Variants in TFEC observed in about 807,000 individuals in gnomAD.
TFEC encodes the protein transcription factor EC.
TFEC carries 31 observed loss-of-function variants against 41.6 expected under a neutral mutation model. That is an observed-to-expected ratio of 0.74 (90% CI 0.56 to 1.01). The LOEUF (loss-of-function observed/expected upper bound fraction) is 1.01. TFEC is among the 50% of genes least tolerant of loss of function. The pLI is 0.00. For missense variants in TFEC, 402 were observed against 404.1 expected, an observed-to-expected ratio of 0.99 and a Z score of 0.04; for synonymous variants, 143 against 140.6, an observed-to-expected ratio of 1.02 and a Z score of -0.12.
chr7:116,037,227 C>T (rs1457404103), intron 3 of TFEC, among the ~76,000 whole-genome samples: 1 of 151,940 alleles, frequency 6.6e-6, no homozygotes, highest in Non-Finnish European at 1.5e-5. Flanking sequence ...GGTCTTTATG[C>T]CTACAACAAT....
intron 3 of TFEC, among the ~76,000 whole-genome samples, chr7:116,047,590 CA>C (rs1401515015): frequency 2.0e-5 from 3 of 152,178 alleles, no homozygotes; most frequent in South Asian, 2.1e-4. Context: ...CATAGCTGAA[CA>C]AAAGGCAGCA....
chr7:116,009,663 T>C (rs1281468999), intron 1 of TFEC, among the ~76,000 whole-genome samples: 1 of 151,828 alleles, frequency 6.6e-6, no homozygotes, highest in African/African-American at 2.4e-5. Context: ...AAGCAGAAAC[T>C]AGATAAAATA....
intron 2 of TFEC, among the ~76,000 whole-genome samples, chr7:115,977,992 G>C (rs937901341): frequency 2.6e-5 from 4 of 151,824 alleles, no homozygotes; most frequent in South Asian, 2.1e-4. Flanking sequence ...GAAAAAAGAG[G>C]GCAAAGAAAC....
At chr7:115,957,091 T>C (rs1216496059) in intron 3 of TFEC, among the ~76,000 whole-genome samples, 1 of 151,994 alleles carries the variant, frequency 6.6e-6, no homozygotes, top group Non-Finnish European at 1.5e-5. Flanking sequence ...GGAAGTTTGA[T>C]CCAGCATATG....
At chr7:115,973,572 T>G (rs1408989995) in intron 3 of TFEC, among the ~76,000 whole-genome samples, 1 of 151,886 alleles carries the variant, frequency 6.6e-6, no homozygotes, top group African/African-American at 2.4e-5. Flanking sequence ...AGAAGGCGCA[T>G]AGCAAGCAAA....
At chr7:116,147,137 T>C (rs1798658043) in intron 1 of TFEC, among the ~76,000 whole-genome samples, 1 of 152,172 alleles carries the variant, frequency 6.6e-6, no homozygotes, top group Non-Finnish European at 1.5e-5. Flanking sequence ...ATCTGTCTAA[T>C]TAGAGTTTCA....
intron 3 of TFEC, among the ~76,000 whole-genome samples, chr7:116,073,065 T>C (rs1245163509): frequency 1.3e-5 from 2 of 151,648 alleles, no homozygotes; most frequent in African/African-American, 2.4e-5. Flanking sequence ...TGTTTGTAGA[T>C]GGCATGATCT....
chr7:116,113,499 AT>A (rs777260960), intron 1 of TFEC, among the ~76,000 whole-genome samples: 26 of 152,040 alleles, frequency 1.7e-4, no homozygotes, highest in Non-Finnish European at 2.7e-4. Context: ...GAAAGAATAA[AT>A]TTCTCTTGTC....
chr7:116,069,911 T>C (rs1796784810), intron 3 of TFEC, among the ~76,000 whole-genome samples: 1 of 151,626 alleles, frequency 6.6e-6, no homozygotes, highest in South Asian at 2.1e-4. Flanking sequence ...CCTGTAGTGA[T>C]GATGTACTCT....
At chr7:116,115,527 G>A (rs752590478) in intron 1 of TFEC, among the ~76,000 whole-genome samples, 2 of 151,784 alleles carry the variant, frequency 1.3e-5, no homozygotes, top group Non-Finnish European at 2.9e-5. Flanking sequence ...TGGTTCCATG[G>A]TAAGATGTCC....
rs771673754 is a variant in TFEC at position 115,974,211 on chromosome 7, T to C, written c.226A>G (p.Lys76Glu). 2.4e-5 allele frequency: 39 copies of C among 1,595,596 alleles called. No homozygotes were observed. The highest frequency in any genetic ancestry group is 1.7e-4 in the Middle Eastern group (1 of 6,042). Reference protein sequence around the residue: ...EDIIGMESSFKEEGADSPLLM... With the variant: ...EDIIGMESSFEEEGADSPLLM... ...AGAGGAGAGTCTGCTCCTTCCTCTT[T>C]AAAACTTGATTCCATACCGATTATA... Residue 76 changes from lysine (K) to glutamate (E), a missense_variant, in exon 3 of 8, where the codon AAA (lysine) becomes GAA (glutamate). By Grantham distance (56) the Lys-to-Glu change is moderately conservative (BLOSUM62 1). Coordinates refer to ENST00000265440, the MANE Select transcript of TFEC (RefSeq NM_012252.4).
chr7:116,004,783 G>C (rs1295255569), intron 1 of TFEC, among the ~76,000 whole-genome samples: 3 of 151,404 alleles, frequency 2.0e-5, no homozygotes, highest in African/African-American at 7.3e-5. Context: ...GCCATCTCCT[G>C]GTTGGAAAAA....
chr7:115,947,678 G>A (rs905541478), intron 6 of TFEC, among the ~76,000 whole-genome samples: 5 of 151,440 alleles, frequency 3.3e-5, no homozygotes, highest in African/African-American at 4.8e-5. Context: ...CAGTGATGGT[G>A]AGCATTTTTT....
At position 116,143,084 on chromosome 7, in the gene TFEC, T is replaced by G. The variant is rs1392093535; in HGVS notation, c.-69+16706A>C. On this transcript the variant is annotated intron_variant, in intron 1 of 8. Coordinates refer to the TFEC transcript ENST00000484212. ...TCAGGCGTGCGACTTTGAAGTTATCTCCTTTAGACAAGAAGCCTGCCCTAA... is the reference window on the plus strand; with the variant it reads ...TCAGGCGTGCGACTTTGAAGTTATCGCCTTTAGACAAGAAGCCTGCCCTAA... 3.3e-5 allele frequency among the ~76,000 whole-genome samples: 5 copies of G among 152,254 alleles called. No individual in the cohort carries two copies. In the East Asian group the frequency reaches 9.7e-4, roughly 30 times the overall value.
At position 116,145,743 on chromosome 7, in the gene TFEC, T is replaced by C. The variant is rs189772613; in HGVS notation, c.-69+14047A>G. Reference sequence around the variant, plus strand: ...GACTGAATCCACACACAAATGGACTTGAATTCTTCACTTACTGACTTAGAA... The same window carrying C: ...GACTGAATCCACACACAAATGGACTCGAATTCTTCACTTACTGACTTAGAA... On this transcript the variant is annotated intron_variant, in intron 1 of 8. Coordinates refer to the TFEC transcript ENST00000484212. Among the ~76,000 whole-genome samples, 4 of 152,300 alleles carry C rather than the reference T, an allele frequency of 2.6e-5. No individual in the cohort carries two copies. The East Asian group carries it at 7.7e-4, about 29-fold the overall frequency.
At chr7:116,026,147 C>T (rs1795576362) in intron 1 of TFEC, among the ~76,000 whole-genome samples, 2 of 152,218 alleles carry the variant, frequency 1.3e-5, no homozygotes, top group Non-Finnish European at 1.5e-5. Context: ...CCCACCTTAA[C>T]TCTTCAGCCC....
At chr7:116,091,462 C>G (rs2115828171) in intron 3 of TFEC, among the ~76,000 whole-genome samples, 1 of 152,286 alleles carries the variant, frequency 6.6e-6, no homozygotes, top group East Asian at 1.9e-4. Context: ...GCTTCTCCCT[C>G]AGCTAGGTCA....
At chr7:116,139,241 A>G (rs1043065156) in intron 1 of TFEC, among the ~76,000 whole-genome samples, 1 of 152,158 alleles carries the variant, frequency 6.6e-6, no homozygotes, top group African/African-American at 2.4e-5. Flanking sequence ...AGCAAGAGAG[A>G]AAAAAAGTAC....
At position 115,937,580 on chromosome 7, in the gene TFEC, G is replaced by GT. The variant is rs1298224636; in HGVS notation, c.*2970dup. 2 of 151,784 alleles carry GT rather than the reference G, an allele frequency of 1.3e-5. No individual in the cohort carries two copies. The highest frequency in any genetic ancestry group is 3.0e-5 in the Non-Finnish European group (2 of 67,764). The allele number at this position is 151,784 out of a possible 1,614,324, so 9.4% of individuals were successfully genotyped here. ...CCATATATAATAAATAGAAGGCATAGTTTGCTGAGTGGGGAGGACATGTTT... is the reference window on the plus strand; with the variant it reads ...CCATATATAATAAATAGAAGGCATAGTTTTGCTGAGTGGGGAGGACATGTTT... On this transcript the variant is annotated 3_prime_UTR_variant, in exon 8 of 8. Coordinates refer to ENST00000265440, the MANE Select transcript of TFEC (RefSeq NM_012252.4).
Sources: allele counts gnomAD v4.1 joint callset (sites outside exome capture counted in the v4.1 genomes callset), GRCh38; gene constraint gnomAD v4.1.1; transcripts MANE v1.5; gene names NCBI Gene and HGNC (gene_info 2026-07-23, HGNC 2026-07-21).